Variants in RUBCN observed in about 807,000 individuals in gnomAD.
RUBCN encodes the protein run domain Beclin-1-interacting and cysteine-rich domain-containing protein.
Under a neutral mutation model 113.2 loss-of-function variants are expected in RUBCN, and 74 were observed. The observed-to-expected ratio is 0.65, with a 90% CI of 0.54 to 0.79. RUBCN has a LOEUF of 0.79. Ranked by LOEUF, RUBCN falls within the 30% of genes least tolerant of loss-of-function variation. The pLI is 0.00. For missense variants in RUBCN, 1,109 were observed against 1,251.7 expected (o/e 0.89, Z 1.72); for synonymous variants, 480 against 490.0 (o/e 0.98, Z 0.27).
At chr3:197,711,340 CGTACAATGGAATA>C in intron 2 of RUBCN, among the ~76,000 whole-genome samples, 1 of 152,138 alleles carries the variant, frequency 6.6e-6, no homozygotes, top group African/African-American at 2.4e-5. Flanking sequence ...ATGGTACATA[CGTACAATGGAATA>C]TTATAAAATG....
chr3:197,716,100 G>A (rs1346439092), intron 2 of RUBCN, among the ~76,000 whole-genome samples: 1 of 152,172 alleles, frequency 6.6e-6, no homozygotes, highest in Non-Finnish European at 1.5e-5. Context: ...TACTTTTAAT[G>A]TCACTGAGCA....
At position 197,704,655 on chromosome 3, in the gene RUBCN, C is replaced by A. The variant is rs370467145; in HGVS notation, c.350G>T (p.Ser117Ile). The change falls in exon 4 of 20, where the codon AGT (serine) becomes ATT (isoleucine). Residue 117 changes from serine to isoleucine, a missense_variant. Physicochemically the swap from Ser to Ile is moderately radical, Grantham distance 142. Transcript: ENST00000296343. ...ENDQSSADGA[S>I]ERAVAELWLQ... ...CCACAGCTCGGCAACAGCACGTTCACTGGCACCATCAGCACTGCTCTGGTC... is the reference window on the plus strand; with the variant it reads ...CCACAGCTCGGCAACAGCACGTTCAATGGCACCATCAGCACTGCTCTGGTC... The A allele has an allele frequency of 3.5e-5, 57 of 1,614,072 alleles. No individual in the cohort carries two copies. Among genetic ancestry groups the A allele is most frequent in the Non-Finnish European group, 4.2e-5 (50 of 1,180,032 alleles).
rs768956295 is a variant in RUBCN at position 197,676,961 on chromosome 3, G to A, written c.2570C>T (p.Ala857Val). The change falls in exon 18 of 20, where the codon GCG becomes GTG. Residue 857 changes from alanine to valine, a missense_variant. Around this residue, in one of 3 missense-constraint regions of RUBCN, gnomAD observed 306 missense variants for 348.9 expected, o/e 0.88. Coordinates refer to ENST00000296343, the MANE Select transcript of RUBCN (RefSeq NM_014687.4). ...LHLYSLNDLTATRKGELGPRL... is the reference protein window; with the variant it reads ...LHLYSLNDLTVTRKGELGPRL... ...GGGCCCCAGCTCCCCCTTCCTGGTCGCAGTCAGGTCATTCAGTGAGTACAG... is the reference window on the plus strand; with the variant it reads ...GGGCCCCAGCTCCCCCTTCCTGGTCACAGTCAGGTCATTCAGTGAGTACAG... 9.3e-6 allele frequency: 15 copies of A among 1,614,082 alleles called. No individual in the cohort carries two copies. The highest frequency in any genetic ancestry group is 4.5e-5 in the East Asian group (2 of 44,902).
chr3:197,742,331 A>G (rs1205087402), intron 1 of RUBCN, among the ~76,000 whole-genome samples: 2 of 151,984 alleles, frequency 1.3e-5, no homozygotes, highest in African/African-American at 4.8e-5. Flanking sequence ...CATCTCTACT[A>G]AAAATACAAA....
intron 2 of RUBCN, among the ~76,000 whole-genome samples, chr3:197,709,965 G>A (rs1724770474): frequency 6.6e-6 from 1 of 151,900 alleles, no homozygotes; most frequent in African/African-American, 2.4e-5. Context: ...GAAGTCAGGA[G>A]TTCGAGGCCA....
chr3:197,682,616 C>G lies in RUBCN; in HGVS notation c.1981-1G>C. On this transcript the variant is annotated splice_acceptor_variant, in intron 13 of 19. Transcript: ENST00000296343. LOFTEE classifies it high-confidence loss of function. ...GCAGTGAGTCAGGAATGGGCAGGAG[C>G]TGCAGGAGGAAAGCACAGTTGGGGT... is the stretch of plus-strand genomic sequence containing the variant. 1.9e-6 allele frequency: 3 copies of G among 1,613,340 alleles called. No individual in the cohort carries two copies. Among genetic ancestry groups the G allele is most frequent in the Non-Finnish European group, 2.5e-6 (3 of 1,179,708 alleles).
intron 1 of RUBCN, among the ~76,000 whole-genome samples, chr3:197,722,091 A>C (rs1560461498): frequency 6.6e-6 from 1 of 151,996 alleles, no homozygotes; most frequent in Non-Finnish European, 1.5e-5. Flanking sequence ...ATACAAAAAA[A>C]AATTAGCCAG....
At chr3:197,684,135 T>A (rs778077213) in intron 12 of RUBCN, 22 bp downstream of exon 12, 1 of 1,581,102 alleles carries the variant, frequency 6.3e-7, no homozygotes, top group Non-Finnish European at 8.7e-7. Flanking sequence ...TTTTCTTTTT[T>A]TTGGTAAAAA....
Position 197,669,749 on chromosome 3 carries a change from G to T in RUBCN, c.*5269C>A, listed in dbSNP as rs532756734. ...TGGGAGAATTTACGTATTTTGTTTA[G>T]AATTCTTCTGTGAGAATTTATTTAT... On this transcript the variant is annotated 3_prime_UTR_variant, in exon 20 of 20. Coordinates refer to ENST00000296343, the MANE Select transcript of RUBCN (RefSeq NM_014687.4). Among the ~76,000 whole-genome samples the T allele has an allele frequency of 8.9e-4, 136 of 152,292 alleles. 2 individuals are homozygous for T. Among genetic ancestry groups the T allele is most frequent in the Middle Eastern group, 6.8e-3 (2 of 294 alleles).
At chr3:197,691,296 C>A in intron 11 of RUBCN, 2 of 421,308 alleles carry the variant, frequency 4.7e-6, no homozygotes, top group Admixed American at 2.6e-5. Context: ...TGGGTAGGTG[C>A]TCACTCTAGC....
At chr3:197,745,896 G>T (rs185817560) in intron 1 of RUBCN, among the ~76,000 whole-genome samples, 291 of 152,250 alleles carry the variant, frequency 1.9e-3, no homozygotes, top group African/African-American at 6.6e-3. Context: ...AATTAGCTGG[G>T]CGTGGTGCCA....
intron 3 of RUBCN, among the ~76,000 whole-genome samples, 175 bp from the exon 4 acceptor site, chr3:197,704,876 C>G (rs145348623): frequency 6.6e-6 from 1 of 151,598 alleles, no homozygotes; most frequent in South Asian, 2.1e-4. Context: ...TTTCCCTTCC[C>G]CAGAGGAGAA....
At chr3:197,694,341 T>C (rs1487866954) in intron 10 of RUBCN, 34 bp downstream of exon 10, 1 of 1,597,212 alleles carries the variant, frequency 6.3e-7, no homozygotes, top group Admixed American at 1.7e-5. Context: ...GTTGGGAAAA[T>C]GTGGGAACAG....
In RUBCN at chr3:197,681,918, A is replaced by G. The variant is rs778395365; in HGVS notation, c.2127-19T>C. 6.2e-6 allele frequency: 10 copies of G among 1,608,432 alleles called. No individual in the cohort carries two copies. The South Asian group carries it at 9.9e-5, about 16-fold the overall frequency. On this transcript the variant is annotated intron_variant, in intron 14 of 19. Coordinates refer to ENST00000296343, the MANE Select transcript of RUBCN (RefSeq NM_014687.4). This position sits in a 1 kb window ranked among gnomAD's most constrained non-coding sequence, Gnocchi z 5.5. ...TTTCCTCCTGAGGAAGGGTAAGGAC[A>G]GGGCATTGGCACAGAGCAGCTGCGT...
At chr3:197,714,621 C>T (rs572739754) in intron 2 of RUBCN, among the ~76,000 whole-genome samples, 4 of 152,274 alleles carry the variant, frequency 2.6e-5, no homozygotes, top group South Asian at 2.1e-4. Flanking sequence ...TGAACCACCA[C>T]GCGCAGCCAA....
intron 2 of RUBCN, among the ~76,000 whole-genome samples, chr3:197,709,269 A>C (rs1203580040): frequency 2.0e-5 from 3 of 152,194 alleles, no homozygotes; most frequent in Admixed American, 1.3e-4. Context: ...CAGAGTAAAT[A>C]AAAGAACAAA....
In RUBCN at chr3:197,681,423, G is replaced by A; in HGVS notation, c.2192-56C>T. The A allele has an allele frequency of 7.3e-7, 1 of 1,361,550 alleles. No homozygotes were observed. The highest frequency in any genetic ancestry group is 1.0e-6 in the Non-Finnish European group (1 of 952,670). 84.3% of individuals were successfully genotyped at this position (1,361,550 alleles called of 1,614,324 possible). On this transcript the variant is annotated intron_variant, in intron 15 of 19. Transcript: ENST00000296343. The surrounding 1 kb of genome is among the most constrained non-coding windows in gnomAD (Gnocchi z 5.5). Reference sequence around the variant, plus strand: ...TGTAACTTTCCCATCTACAAGCTGGGAAGGCAGCTCTGCTTTTCCCTTGAA... The same window carrying A: ...TGTAACTTTCCCATCTACAAGCTGGAAAGGCAGCTCTGCTTTTCCCTTGAA...
chr3:197,701,203 T>C (rs1035730640), intron 6 of RUBCN, 57 bp from the exon 7 acceptor site: 11 of 1,407,016 alleles, frequency 7.8e-6, no homozygotes, highest in Admixed American at 6.9e-5. Flanking sequence ...TCCTGCAGTA[T>C]GTATGAAGGA....
At chr3:197,734,719 A>G (rs926393321) in intron 1 of RUBCN, among the ~76,000 whole-genome samples, 3 of 152,216 alleles carry the variant, frequency 2.0e-5, no homozygotes, top group African/African-American at 7.2e-5. Flanking sequence ...GGAAATCAAA[A>G]CAATCCTAAA....
Sources: allele counts gnomAD v4.1 joint callset (sites outside exome capture counted in the v4.1 genomes callset), GRCh38; gene constraint gnomAD v4.1.1; regional missense constraint gnomAD v4.1.1; non-coding constraint Gnocchi (gnomAD v3.1); transcripts MANE v1.5; gene names NCBI Gene and HGNC (gene_info 2026-07-23, HGNC 2026-07-21).